Variants in EPHA5 observed in about 807,000 individuals in gnomAD.
EPHA5 encodes ephrin type-A receptor 5.
A neutral mutation model predicts 105.0 loss-of-function variants in EPHA5; 60 were observed. That is an observed-to-expected ratio of 0.57 (90% CI 0.46 to 0.71). The LOEUF is 0.71. Among genes scored for constraint, EPHA5 ranks in the 30% least tolerant of loss-of-function variants. The pLI, the probability that EPHA5 is intolerant of heterozygous loss-of-function variation, is 0.00. For missense variants in EPHA5, 1,218 were observed against 1,274.7 expected, an observed-to-expected ratio of 0.96 and a Z score of 0.68; for synonymous variants, 513 against 449.1, an observed-to-expected ratio of 1.14 and a Z score of -1.80.
intron 6 of EPHA5, 35 bp downstream of exon 6, chr4:65,420,406 G>T: frequency 6.7e-7 from 1 of 1,484,384 alleles, no homozygotes. Flanking sequence ...AAAAAAAAAA[G>T]AAAGTGAGGA....
rs1267435498 is a variant in EPHA5, at chr4:65,414,498, C to A, written c.1528-55G>T. ...AAGACAGCATATAAATTACTAATGA[C>A]AGCAAAATTTAGAATCATAGATCAG... On this transcript the variant is annotated intron_variant, in intron 6 of 16. Transcript: ENST00000613740. The A allele has an allele frequency of 3.8e-6, 6 of 1,560,248 alleles. No individual in the cohort carries two copies. The African/African-American group carries it at 6.8e-5, about 18-fold the overall frequency.
intron 7 of EPHA5, among the ~76,000 whole-genome samples, chr4:65,409,346 A>AAAGTAAATAAATAAAT (rs1553910971): frequency 7.5e-5 from 10 of 134,212 alleles, no homozygotes; most frequent in Admixed American, 3.8e-4. Context: ...ATAATAATAA[A>AAAGTAAATAAATAAAT]AAATAAATAA....
At chr4:65,388,535 T>C (rs1036717034) in intron 8 of EPHA5, among the ~76,000 whole-genome samples, 1 of 151,860 alleles carries the variant, frequency 6.6e-6, no homozygotes, top group African/African-American at 2.4e-5. Flanking sequence ...TGGTATCTCA[T>C]TGAGGTTTTG....
intron 5 of EPHA5, among the ~76,000 whole-genome samples, chr4:65,487,583 C>T (rs1490479049): frequency 6.6e-6 from 1 of 152,138 alleles, no homozygotes; most frequent in Non-Finnish European, 1.5e-5. Context: ...GATGGATCAG[C>T]TGGCATCATA....
intron 14 of EPHA5, among the ~76,000 whole-genome samples, chr4:65,340,623 A>G (rs1721622609): frequency 6.6e-6 from 1 of 152,142 alleles, no homozygotes; most frequent in African/African-American, 2.4e-5. Flanking sequence ...GTGACATCCT[A>G]TGATCAACTA....
At chr4:65,435,167 G>A (rs1725361854) in intron 5 of EPHA5, among the ~76,000 whole-genome samples, 1 of 152,054 alleles carries the variant, frequency 6.6e-6, no homozygotes, top group Admixed American at 6.6e-5. Context: ...CCCTGGGCAA[G>A]TTCATGAATA....
At chr4:65,517,470 C>T (rs189986998) in intron 3 of EPHA5, among the ~76,000 whole-genome samples, 170 of 151,744 alleles carry the variant, frequency 1.1e-3, no homozygotes, top group African/African-American at 4.0e-3. Flanking sequence ...TCTTATTGTA[C>T]TCTAATGATC....
rs189433517 is a variant in EPHA5 at position 65,479,843 on chromosome 4, T to A, written c.1402+10534A>T. 1.8e-4 allele frequency among the ~76,000 whole-genome samples: 28 copies of A among 152,258 alleles called. 1 individual carries two copies. The East Asian group carries it at 5.2e-3, about 28-fold the overall frequency. ...TTAAATAAAAAACATATGCGTATGA[T>A]TTTAAATAAATATATTCATAATAAT... On this transcript the variant is annotated intron_variant, in intron 5 of 16. Coordinates refer to ENST00000613740, the MANE Select transcript of EPHA5 (RefSeq NM_001281766.3).
At position 65,522,091 on chromosome 4, in the gene EPHA5, G is replaced by T. The variant is rs554339460; in HGVS notation, c.911-26548C>A. Reference sequence around the variant, plus strand: ...CTTTAGCCGACAGAAAAAAAACTAAGATCTCACTGATTAAAATATGCCAGA... The same window carrying T: ...CTTTAGCCGACAGAAAAAAAACTAATATCTCACTGATTAAAATATGCCAGA... On this transcript the variant is annotated intron_variant, in intron 3 of 16. Transcript: ENST00000613740. Among the ~76,000 whole-genome samples, 9 of 151,904 alleles carry T rather than the reference G, an allele frequency of 5.9e-5. No homozygotes were observed. The East Asian group carries it at 1.4e-3, about 23-fold the overall frequency.
At chr4:65,544,746 A>G (rs1737207970) in intron 3 of EPHA5, among the ~76,000 whole-genome samples, 1 of 151,970 alleles carries the variant, frequency 6.6e-6, no homozygotes, top group East Asian at 1.9e-4. Context: ...AAAGGAATAT[A>G]TCATTCTACT....
intron 3 of EPHA5, among the ~76,000 whole-genome samples, chr4:65,579,080 T>C (rs1578480999): frequency 6.6e-6 from 1 of 151,916 alleles, no homozygotes; most frequent in Non-Finnish European, 1.5e-5. Context: ...TATATGAAGA[T>C]TACTTTTATA....
chr4:65,525,278 A>G (rs563779019), intron 3 of EPHA5, among the ~76,000 whole-genome samples: 9 of 151,800 alleles, frequency 5.9e-5, no homozygotes, highest in Non-Finnish European at 1.2e-4. Flanking sequence ...CTGTTGCTAT[A>G]AAAGAGAAAT....
At chr4:65,396,471 G>A (rs774217710) in intron 8 of EPHA5, among the ~76,000 whole-genome samples, 8 of 152,088 alleles carry the variant, frequency 5.3e-5, no homozygotes, top group South Asian at 2.1e-4. Flanking sequence ...CAGAATTTTC[G>A]GTACGACCTT....
At chr4:65,570,652 T>A (rs1487985723) in intron 3 of EPHA5, among the ~76,000 whole-genome samples, 1 of 151,964 alleles carries the variant, frequency 6.6e-6, no homozygotes, top group East Asian at 1.9e-4. Flanking sequence ...GATGACTCTT[T>A]CAGGTGGAAG....
chr4:65,562,705 T>A (rs1398654750), intron 3 of EPHA5, among the ~76,000 whole-genome samples: 4 of 152,068 alleles, frequency 2.6e-5, no homozygotes, highest in Non-Finnish European at 5.9e-5. Flanking sequence ...AAAGGCAAGA[T>A]TATTGTATAG....
intron 3 of EPHA5, among the ~76,000 whole-genome samples, chr4:65,543,070 C>A (rs1045149757): frequency 2.0e-5 from 3 of 151,908 alleles, no homozygotes; most frequent in African/African-American, 7.3e-5. Context: ...TGGAACATAT[C>A]TCAAAATAAT....
At chr4:65,475,683 A>AT (rs1399033795) in intron 5 of EPHA5, among the ~76,000 whole-genome samples, 1 of 152,194 alleles carries the variant, frequency 6.6e-6, no homozygotes, top group East Asian at 1.9e-4. Flanking sequence ...GAGAAGAATG[A>AT]TTGAACAGTT....
intron 12 of EPHA5, among the ~76,000 whole-genome samples, chr4:65,352,177 C>T (rs1722880661): frequency 1.3e-5 from 2 of 151,948 alleles, no homozygotes; most frequent in Non-Finnish European, 2.9e-5. Flanking sequence ...TGGCGTGACT[C>T]TAAGAGACTG....
intron 5 of EPHA5, among the ~76,000 whole-genome samples, chr4:65,432,998 A>T (rs975851760): frequency 9.2e-5 from 14 of 152,278 alleles, no homozygotes; most frequent in African/African-American, 2.9e-4. Flanking sequence ...ATATAATGAT[A>T]CAATGTGGTG....
Sources: gnomAD v4.1 joint callset for allele counts (sites outside exome capture counted in the v4.1 genomes callset) on GRCh38, gnomAD v4.1.1 for gene constraint, MANE v1.5 for transcripts, NCBI Gene and HGNC (gene_info 2026-07-23, HGNC 2026-07-21) for gene names.